WDR31: variants seen among roughly 807,000 people sequenced by gnomAD.
WDR31 encodes WD repeat domain 31, also known as WD repeat-containing protein 31.
A neutral mutation model predicts 47.3 loss-of-function variants in WDR31; 30 were observed. The observed-to-expected ratio is 0.63, with a 90% CI of 0.47 to 0.86. The LOEUF (loss-of-function observed/expected upper bound fraction) is 0.86. Ranked by LOEUF, WDR31 falls within the 40% of genes least tolerant of loss-of-function variation. WDR31 has a pLI of 0.00. For missense variants in WDR31, 406 were observed against 442.9 expected (o/e 0.92, Z 0.75); for synonymous variants, 137 against 159.4 (o/e 0.86, Z 1.06).
At chr9:113,324,763 T>C (rs1190369129) in intron 5 of WDR31, among the ~76,000 whole-genome samples, 4 of 152,090 alleles carry the variant, frequency 2.6e-5, no homozygotes, top group Non-Finnish European at 5.9e-5. Context: ...TCCATGAATC[T>C]GTCAAAGGAC....
At chr9:113,323,270 C>CT (rs1018282963) in intron 5 of WDR31, 115 bp from the exon 6 acceptor site, 1,999 of 1,311,802 alleles carry the variant, frequency 1.5e-3, no homozygotes, top group Non-Finnish European at 1.7e-3. Flanking sequence ...CACTTCTTTT[C>CT]TTTTTTTTTG....
rs1048871845 is a variant in WDR31, at chr9:113,313,540, G to T, written c.*3209C>A. ...TCTTGAAGATACAAACAATGTCATG[G>T]TCTATGACTTTGTGACACGATGCAA... On this transcript the variant is annotated 3_prime_UTR_variant, in exon 11 of 11. Coordinates refer to ENST00000374193, the MANE Select transcript of WDR31 (RefSeq NM_001012361.4). 3 of 152,342 alleles carry T rather than the reference G, an allele frequency of 2.0e-5. No individual in the cohort carries two copies. Among genetic ancestry groups the T allele is most frequent in the African/African-American group, 7.2e-5 (3 of 41,586 alleles). 9.4% of individuals were successfully genotyped at this position (152,342 alleles called of 1,614,324 possible).
chr9:113,318,929 T>C (rs1833269142), intron 9 of WDR31, among the ~76,000 whole-genome samples: 1 of 152,208 alleles, frequency 6.6e-6, no homozygotes, highest in Non-Finnish European at 1.5e-5. Flanking sequence ...CTCCCAGTCC[T>C]ACAGCATGAT....
At chr9:113,337,208 T>G (rs1191328098) in intron 1 of WDR31, among the ~76,000 whole-genome samples, 1 of 152,206 alleles carries the variant, frequency 6.6e-6, no homozygotes, top group Non-Finnish European at 1.5e-5. Context: ...TAAGTCTCAC[T>G]TTCCTATGTG....
chr9:113,326,411 CCTT>C (rs893281727), intron 5 of WDR31, among the ~76,000 whole-genome samples: 3 of 150,644 alleles, frequency 2.0e-5, no homozygotes, highest in African/African-American at 7.4e-5. Flanking sequence ...TTCTTTCCGT[CCTT>C]CTTTCTTTCT....
At chr9:113,329,837 C>T (rs926687475) in intron 4 of WDR31, among the ~76,000 whole-genome samples, 14 of 151,538 alleles carry the variant, frequency 9.2e-5, no homozygotes, top group African/African-American at 2.9e-4. Context: ...CAAAATTAGC[C>T]GAGTGTGGTG....
chr9:113,323,730 T>C (rs1833385056), intron 5 of WDR31, among the ~76,000 whole-genome samples: 1 of 152,240 alleles, frequency 6.6e-6, no homozygotes, highest in African/African-American at 2.4e-5. Context: ...CCTCAGATCA[T>C]GTCACCTTGG....
In WDR31 at chr9:113,336,343, G is replaced by A. The variant is rs1833715347; in HGVS notation, c.-84C>T. On this transcript the variant is annotated 5_prime_UTR_variant, in exon 2 of 11. Coordinates refer to ENST00000374193, the MANE Select transcript of WDR31 (RefSeq NM_001012361.4). ...TGCCCTATTCAATAATTTGTAATGT[G>A]TATCCTTTGGAAAATAGTTCAGGCA... The A allele has an allele frequency of 6.6e-6, 1 of 152,216 alleles. No individual in the cohort carries two copies. The highest frequency in any genetic ancestry group is 2.1e-4 in the South Asian group (1 of 4,826). 9.4% of individuals were successfully genotyped at this position (152,216 alleles called of 1,614,324 possible).
Position 113,325,457 on chromosome 9 carries a change from A to C in WDR31, c.325-2302T>G, listed in dbSNP as rs145757726. 1.3e-3 allele frequency among the ~76,000 whole-genome samples: 191 copies of C among 152,052 alleles called. 6 individuals carry two copies. In the East Asian group the frequency reaches 0.027, roughly 21 times the overall value. On this transcript the variant is annotated intron_variant, in intron 5 of 10. Coordinates refer to ENST00000374193, the MANE Select transcript of WDR31 (RefSeq NM_001012361.4). ...GTCTTCTTTTTCTATAAAATTGTAT[A>C]TTTGTTTTTAGAGTTATTTTTCCCT...
chr9:113,318,489 T>C lies in WDR31; in HGVS notation c.929A>G (p.Asn310Ser). 6.2e-7 allele frequency: 1 copy of C among 1,614,212 alleles called. No individual in the cohort carries two copies. The highest frequency in any genetic ancestry group is 1.1e-5 in the South Asian group (1 of 91,080). Reference sequence around the variant, plus strand: ...AGGCTGCTTACCTCCAGTATCTTGGTTCCAAATCTTCACCTTGCAATCATG... The same window carrying C: ...AGGCTGCTTACCTCCAGTATCTTGGCTCCAAATCTTCACCTTGCAATCATG... Reference protein sequence around the residue: ...SSHDCKVKIWNQDTGACLFTL... With the variant: ...SSHDCKVKIWSQDTGACLFTL... Residue 310 changes from asparagine to serine, a missense_variant, in exon 10 of 11, where the codon AAC (asparagine) becomes AGC (serine). Physicochemically the swap from Asn to Ser is conservative, Grantham distance 46. Transcript: ENST00000374193.
intron 9 of WDR31, among the ~76,000 whole-genome samples, 183 bp downstream of exon 9, chr9:113,320,174 C>T (rs1440334610): frequency 6.6e-6 from 1 of 152,214 alleles, no homozygotes; most frequent in East Asian, 1.9e-4. Context: ...CCCGCCTTGG[C>T]CTCCCCTATG....
rs763258784 is a variant in WDR31, at chr9:113,323,081, G to A, written c.399C>T (p.His133=). ...RDRMVMMWDL[H]GSSQPRQQLC... ...ATTGCTGCCTTGGTTGTGAGGAACC[G>A]TGCAAGTCCCACATCATGACCATCC... The change falls in exon 6 of 11, where the codon CAC becomes CAT. Residue 133 remains histidine, a synonymous_variant. Transcript: ENST00000374193. The A allele has an allele frequency of 9.9e-6, 16 of 1,614,054 alleles. No homozygotes were observed. The highest frequency in any genetic ancestry group is 4.0e-5 in the African/African-American group (3 of 74,920).
chr9:113,320,164 C>G (rs566844327), intron 9 of WDR31, among the ~76,000 whole-genome samples, 193 bp downstream of exon 9: 1 of 152,340 alleles, frequency 6.6e-6, no homozygotes, highest in South Asian at 2.1e-4. Context: ...AATTAATCCT[C>G]CCGCCTTGGC....
intron 2 of WDR31, among the ~76,000 whole-genome samples, chr9:113,335,555 C>T (rs12350377): frequency 0.022 from 3,387 of 152,262 alleles, 133 homozygotes; most frequent in African/African-American, 0.077. Context: ...GCAGCTAAAA[C>T]GCACCAACTT....
At chr9:113,338,916 C>T (rs1246427373) in intron 1 of WDR31, among the ~76,000 whole-genome samples, 1 of 152,176 alleles carries the variant, frequency 6.6e-6, no homozygotes, top group African/African-American at 2.4e-5. Flanking sequence ...CCGTGCCCGG[C>T]CCAGTGGTAC....
chr9:113,324,826 ATATGTGTGTGTGTGTGTGTG>A (rs201278287), intron 5 of WDR31, among the ~76,000 whole-genome samples: 18,461 of 109,346 alleles, frequency 0.17, 1,192 homozygotes, highest in African/African-American at 0.18. Flanking sequence ...CTATATATAT[ATATGTGTGTGTGTGTGTGTG>A]TGTGTGTGTG....
At position 113,322,916 on chromosome 9, in the gene WDR31, G is replaced by A; in HGVS notation, c.470-5C>T. 2.5e-6 allele frequency: 4 copies of A among 1,614,148 alleles called. No individual in the cohort carries two copies. Among genetic ancestry groups the A allele is most frequent in the Non-Finnish European group, 3.4e-6 (4 of 1,180,002 alleles). On this transcript the variant is annotated splice_polypyrimidine_tract_variant and splice_region_variant and intron_variant, in intron 6 of 10. Coordinates refer to ENST00000374193, the MANE Select transcript of WDR31 (RefSeq NM_001012361.4). ...CAGTGCACAGCTGTGATGAGTCTTTGGAAACAATGGTGAGAAGACAGCCTG... is the reference window on the plus strand; with the variant it reads ...CAGTGCACAGCTGTGATGAGTCTTTAGAAACAATGGTGAGAAGACAGCCTG...
At chr9:113,336,795 A>T (rs1283313166) in intron 1 of WDR31, among the ~76,000 whole-genome samples, 1 of 152,222 alleles carries the variant, frequency 6.6e-6, no homozygotes, top group Non-Finnish European at 1.5e-5. Flanking sequence ...TTTCAAAATC[A>T]CCATATATAA....
At chr9:113,324,284 C>T (rs1253510677) in intron 5 of WDR31, among the ~76,000 whole-genome samples, 2 of 152,002 alleles carry the variant, frequency 1.3e-5, no homozygotes, top group African/African-American at 2.4e-5. Flanking sequence ...CTAGGTACCT[C>T]AAATAAGCAG....
Sources: allele counts gnomAD v4.1 joint callset (sites outside exome capture counted in the v4.1 genomes callset), GRCh38; gene constraint gnomAD v4.1.1; transcripts MANE v1.5; gene names NCBI Gene and HGNC (gene_info 2026-07-23, HGNC 2026-07-21).